Variants in MTUS2 observed in about 807,000 individuals in gnomAD.
MTUS2 encodes microtubule-associated tumor suppressor candidate 2.
Under a neutral mutation model 114.1 loss-of-function variants are expected in MTUS2, and 40 were observed. The ratio of observed to expected loss-of-function variants is 0.35; its 90% confidence interval spans 0.27 to 0.46. The LOEUF (loss-of-function observed/expected upper bound fraction) is 0.46, where lower values mean the gene tolerates loss of function less well. MTUS2 is among the 20% of genes least tolerant of loss of function. The probability of loss-of-function intolerance (pLI) is 1.00; values close to 1 mark genes in which losing one functional copy is unlikely to be tolerated. For missense variants in MTUS2, 1,679 were observed against 1,705.4 expected (o/e 0.98, Z 0.27); for synonymous variants, 688 against 672.0 (o/e 1.02, Z -0.37).
At chr13:29,174,736 A>C (rs1022104134) in intron 5 of MTUS2, among the ~76,000 whole-genome samples, 2 of 152,196 alleles carry the variant, frequency 1.3e-5, no homozygotes, top group Non-Finnish European at 2.9e-5. Context: ...TCTGCGTAGT[A>C]TTATAACACT....
intron 2 of MTUS2, among the ~76,000 whole-genome samples, chr13:28,855,891 C>G (rs886574006): frequency 4.6e-5 from 7 of 152,184 alleles, no homozygotes; most frequent in Non-Finnish European, 8.8e-5. Context: ...TTCCCACCAA[C>G]AGTGTAAAAG....
chr13:29,209,800 T>G (rs1210451328), intron 5 of MTUS2, among the ~76,000 whole-genome samples: 1 of 152,230 alleles, frequency 6.6e-6, no homozygotes, highest in Non-Finnish European at 1.5e-5. Context: ...AGAAATGTGC[T>G]GTTAATCTGA....
At chr13:28,892,923 A>G (rs1388106629) in intron 2 of MTUS2, among the ~76,000 whole-genome samples, 1 of 152,162 alleles carries the variant, frequency 6.6e-6, no homozygotes, top group African/African-American at 2.4e-5. Context: ...AGAAGTCTTC[A>G]TGGTGGGAAT....
intron 5 of MTUS2, among the ~76,000 whole-genome samples, chr13:29,104,591 TTGTAATC>T (rs1037414577): frequency 6.6e-6 from 1 of 152,132 alleles, no homozygotes; most frequent in African/African-American, 2.4e-5. Context: ...GATTGCCTCC[TTGTAATC>T]TTCAACAAGT....
intron 5 of MTUS2, among the ~76,000 whole-genome samples, chr13:29,244,975 A>T (rs1055487874): frequency 2.7e-5 from 4 of 148,854 alleles, no homozygotes; most frequent in African/African-American, 7.4e-5. Context: ...AAAAAAAAAA[A>T]AAAAAAGTAA....
chr13:29,202,517 A>C (rs1296526485), intron 5 of MTUS2, among the ~76,000 whole-genome samples: 1 of 152,218 alleles, frequency 6.6e-6, no homozygotes, highest in African/African-American at 2.4e-5. Context: ...TTGGTTTGTC[A>C]AACTCGTTCT....
rs992462924 is a variant in MTUS2 at position 29,331,411 on chromosome 13, G to A, written c.2905+6700G>A. ...AGTTTGACTCCCTCTCTTCCTGTTC[G>A]AATATGCTTTATTTGTTTCTCTTGC... On this transcript the variant is annotated intron_variant, in intron 7 of 15. Coordinates refer to ENST00000612955, the MANE Select transcript of MTUS2 (RefSeq NM_001033602.4). Among the ~76,000 whole-genome samples the A allele has an allele frequency of 7.2e-5, 11 of 152,096 alleles. No individual in the cohort carries two copies. In the South Asian group the frequency reaches 8.3e-4, roughly 11 times the overall value.
intron 5 of MTUS2, 89 bp from the exon 6 acceptor site, chr13:29,281,615 G>A (rs928447136): frequency 7.3e-6 from 10 of 1,368,572 alleles, no homozygotes; most frequent in Non-Finnish European, 1.0e-5. Context: ...AGCAGATGAC[G>A]GCAGTAGGAT....
At position 29,503,011 on chromosome 13, in the gene MTUS2, T is replaced by C; in HGVS notation, c.3915T>C (p.Asn1305=). ...TVVTRQLSEE[N]ANLQEYVEKE... ...CATGCAGACAGCTGTCGGAGGAAAA[T>C]GCTAACCTCCAGGAATATGTTGAGA... The change falls in exon 16 of 16, where the codon AAT becomes AAC. Residue 1305 remains asparagine (N), a synonymous_variant. Transcript: ENST00000612955. 2 of 1,614,138 alleles carry C rather than the reference T, an allele frequency of 1.2e-6. No individual in the cohort carries two copies. Among genetic ancestry groups the C allele is most frequent in the African/African-American group, 2.7e-5 (2 of 75,048 alleles).
At chr13:29,393,765 T>A (rs1873696009) in intron 8 of MTUS2, among the ~76,000 whole-genome samples, 1 of 152,142 alleles carries the variant, frequency 6.6e-6, no homozygotes, top group Non-Finnish European at 1.5e-5. Context: ...TGGTTTTATA[T>A]ATTTTAGGGA....
At chr13:29,168,931 T>C (rs1050801808) in intron 5 of MTUS2, among the ~76,000 whole-genome samples, 1 of 145,692 alleles carries the variant, frequency 6.9e-6, no homozygotes, top group Non-Finnish European at 1.5e-5. Flanking sequence ...GAATATGTTA[T>C]AATGCCAGTA....
chr13:29,156,030 C>T (rs1892845472), intron 5 of MTUS2, among the ~76,000 whole-genome samples: 1 of 151,968 alleles, frequency 6.6e-6, no homozygotes, highest in Non-Finnish European at 1.5e-5. Flanking sequence ...AAATATTGAC[C>T]TTGATTGAAA....
In MTUS2 at chr13:29,025,346, A is replaced by T. The variant is rs1475725192; in HGVS notation, c.648A>T (p.Pro216=). The change falls in exon 3 of 16, where the codon CCA becomes CCT. Residue 216 remains proline, a synonymous_variant. Transcript: ENST00000612955. ...RGQIPGGGEG[P]QKTLPDHAVP... ...AGATACCTGGGGGTGGGGAGGGGCC[A>T]CAGAAGACATTGCCAGACCACGCTG... 5.0e-6 allele frequency: 8 copies of T among 1,613,688 alleles called. No homozygotes were observed. The highest frequency in any genetic ancestry group is 1.3e-5 in the African/African-American group (1 of 74,890).
chr13:28,875,441 G>A (rs982261948), intron 2 of MTUS2, among the ~76,000 whole-genome samples: 3 of 152,276 alleles, frequency 2.0e-5, no homozygotes, highest in Non-Finnish European at 2.9e-5. Context: ...TTTTTGTTTC[G>A]TTTTGTTTAT....
intron 8 of MTUS2, among the ~76,000 whole-genome samples, chr13:29,383,234 G>T (rs1280667662): frequency 1.6e-4 from 4 of 24,430 alleles, no homozygotes; most frequent in African/African-American, 3.2e-4. Context: ...GTGTGTGTGT[G>T]TGTGTGTGTG....
intron 2 of MTUS2, among the ~76,000 whole-genome samples, chr13:29,009,055 T>C (rs1885723787): frequency 6.6e-6 from 1 of 151,986 alleles, no homozygotes; most frequent in Non-Finnish European, 1.5e-5. Flanking sequence ...TTCTGAGAGA[T>C]TTCCTTGACT....
intron 5 of MTUS2, among the ~76,000 whole-genome samples, chr13:29,109,668 G>A (rs1890806277): frequency 6.6e-6 from 1 of 152,174 alleles, no homozygotes; most frequent in Non-Finnish European, 1.5e-5. Flanking sequence ...GGGTCGATGG[G>A]AGCATCAGAT....
intron 2 of MTUS2, among the ~76,000 whole-genome samples, chr13:28,904,872 CT>C (rs1402553468): frequency 3.3e-5 from 5 of 151,956 alleles, no homozygotes; most frequent in African/African-American, 1.2e-4. Flanking sequence ...GATATTGATT[CT>C]TCCTACCCAT....
intron 8 of MTUS2, among the ~76,000 whole-genome samples, chr13:29,381,979 G>A (rs1872247543): frequency 6.6e-6 from 1 of 152,166 alleles, no homozygotes; most frequent in Non-Finnish European, 1.5e-5. Flanking sequence ...CTCCTGGGCT[G>A]GAAACTCTGC....
Sources: gnomAD v4.1 joint callset for allele counts (sites outside exome capture counted in the v4.1 genomes callset) on GRCh38, gnomAD v4.1.1 for gene constraint, MANE v1.5 for transcripts, NCBI Gene and HGNC (gene_info 2026-07-23, HGNC 2026-07-21) for gene names.